Variants in ZNF366 observed in about 807,000 individuals in gnomAD.
ZNF366 encodes zinc finger protein 366.
ZNF366 carries 20 observed loss-of-function variants against 47.2 expected under a neutral mutation model. That is an observed-to-expected ratio of 0.42 (90% CI 0.30 to 0.62). ZNF366 has a LOEUF of 0.62. ZNF366 is among the 20% of genes least tolerant of loss of function. ZNF366 has a pLI of 0.16. For missense variants in ZNF366, 987 were observed against 976.3 expected, an observed-to-expected ratio of 1.01 and a Z score of -0.15; for synonymous variants, 421 against 395.1, an observed-to-expected ratio of 1.07 and a Z score of -0.78.
intron 1 of ZNF366, among the ~76,000 whole-genome samples, chr5:72,485,941 G>A (rs971498775): frequency 6.6e-5 from 10 of 152,064 alleles, no homozygotes; most frequent in African/African-American, 2.2e-4. Context: ...AGATACCCAC[G>A]TGCCTCTTTT....
chr5:72,503,950 A>G (rs1026354174), intron 1 of ZNF366, among the ~76,000 whole-genome samples: 57 of 152,344 alleles, frequency 3.7e-4, no homozygotes, highest in African/African-American at 1.2e-3. Context: ...AAGTAAAAGT[A>G]TCATTATTAC....
intron 1 of ZNF366, among the ~76,000 whole-genome samples, chr5:72,490,847 A>G (rs1387718175): frequency 6.6e-6 from 1 of 152,216 alleles, no homozygotes; most frequent in Middle Eastern, 3.2e-3. Flanking sequence ...TGAGCATGAT[A>G]GTTGCTGTAA....
Position 72,503,566 on chromosome 5 carries a change from G to A in ZNF366, c.-15+3685C>T, listed in dbSNP as rs910787591. ...ACACACACACACACACGCACACCTC[G>A]AAAATTACTTATTTATCCCATTTTG... On this transcript the variant is annotated intron_variant, in intron 1 of 4. Coordinates refer to ENST00000318442, the MANE Select transcript of ZNF366 (RefSeq NM_152625.3). Among the ~76,000 whole-genome samples the A allele has an allele frequency of 3.3e-5, 5 of 150,946 alleles. 1 individual carries two copies. The highest frequency in any genetic ancestry group is 6.9e-3 in the Middle Eastern group (2 of 288).
chr5:72,469,798 C>G (rs891228171), intron 1 of ZNF366, among the ~76,000 whole-genome samples: 1 of 152,174 alleles, frequency 6.6e-6, no homozygotes, highest in Admixed American at 6.5e-5. Flanking sequence ...GTAATCCCAG[C>G]AACTAGGGAG....
At position 72,480,027 on chromosome 5, in the gene ZNF366, G is replaced by C. The variant is rs150210831; in HGVS notation, c.-14-18517C>G. Among the ~76,000 whole-genome samples the C allele has an allele frequency of 7.9e-5, 12 of 152,350 alleles. No individual in the cohort carries two copies. The East Asian group carries it at 2.3e-3, about 29-fold the overall frequency. On this transcript the variant is annotated intron_variant, in intron 1 of 4. Coordinates refer to ENST00000318442, the MANE Select transcript of ZNF366 (RefSeq NM_152625.3). ...GTTTTGCAGCAATGGCTGGAATGTGGCATACACGGTCCAAGGCTCATCTAA... is the reference window on the plus strand; with the variant it reads ...GTTTTGCAGCAATGGCTGGAATGTGCCATACACGGTCCAAGGCTCATCTAA...
At chr5:72,462,532 TTTCTTTCTTTCTTTC>T (rs1743339699) in intron 1 of ZNF366, among the ~76,000 whole-genome samples, 1 of 80,852 alleles carries the variant, frequency 1.2e-5, no homozygotes, top group Non-Finnish European at 2.2e-5. Context: ...TCTTTCTTTC[TTTCTTTCTTTCTTTC>T]TTTTTTTTTT....
Position 72,443,489 on chromosome 5 carries a change from A to G in ZNF366, c.*267T>C. 2.7e-6 allele frequency: 1 copy of G among 366,510 alleles called. No homozygotes were observed. Among genetic ancestry groups the G allele is most frequent in the East Asian group, 4.7e-5 (1 of 21,128 alleles). 22.7% of individuals were successfully genotyped at this position (366,510 alleles called of 1,614,324 possible). Reference sequence around the variant, plus strand: ...AGCACCTCAGCATCAGCTTACAATTAGATATCTGGAAGAATACTCACAGTT... The same window carrying G: ...AGCACCTCAGCATCAGCTTACAATTGGATATCTGGAAGAATACTCACAGTT... On this transcript the variant is annotated 3_prime_UTR_variant, in exon 5 of 5. Transcript: ENST00000318442.
In ZNF366 at chr5:72,440,814, T is replaced by C. The variant is rs369498843; in HGVS notation, c.*2942A>G. The C allele has an allele frequency of 5.0e-4, 76 of 152,312 alleles. No homozygotes were observed. Among genetic ancestry groups the C allele is most frequent in the African/African-American group, 1.7e-3 (71 of 41,556 alleles). The allele number at this position is 152,312 out of a possible 1,614,324, so 9.4% of individuals were successfully genotyped here. On this transcript the variant is annotated 3_prime_UTR_variant, in exon 5 of 5. Coordinates refer to ENST00000318442, the MANE Select transcript of ZNF366 (RefSeq NM_152625.3). ...AGCATACAAAACCAATGTTTTAGCA[T>C]TGGTGCTCAGGTTAATGCTGTATTA...
rs1428529496 is a variant in ZNF366, at chr5:72,461,501, G to A, written c.-5C>T. 6.5e-7 allele frequency: 1 copy of A among 1,531,256 alleles called. No homozygotes were observed. Among genetic ancestry groups the A allele is most frequent in the East Asian group, 2.3e-5 (1 of 43,946 alleles). 94.9% of individuals were successfully genotyped at this position (1,531,256 alleles called of 1,614,324 possible). A position where few individuals can be genotyped will look rare whatever the true frequency, so the allele number is the denominator to read the frequency against. On this transcript the variant is annotated 5_prime_UTR_variant, in exon 2 of 5. Transcript: ENST00000318442. ...CATCTTCATTTCCTTCTGCATCCTT[G>A]GCAATTTTCCTTTAAAGAGAAAGAA...
chr5:72,463,885 A>C (rs1055773947), intron 1 of ZNF366, among the ~76,000 whole-genome samples: 1 of 152,256 alleles, frequency 6.6e-6, no homozygotes, highest in African/African-American at 2.4e-5. Context: ...ACTTTCAACA[A>C]GACTAAACGT....
chr5:72,464,861 C>A (rs1186541342), intron 1 of ZNF366, among the ~76,000 whole-genome samples: 3 of 151,926 alleles, frequency 2.0e-5, no homozygotes, highest in Admixed American at 2.0e-4. Flanking sequence ...GAGTTTGAGA[C>A]CAGCCTGGCC....
intron 3 of ZNF366, among the ~76,000 whole-genome samples, chr5:72,455,235 C>A (rs1237818859): frequency 6.6e-6 from 1 of 152,118 alleles, no homozygotes; most frequent in African/African-American, 2.4e-5. Flanking sequence ...TGGTGTCTGA[C>A]CCCTCACCCC....
intron 1 of ZNF366, among the ~76,000 whole-genome samples, chr5:72,495,639 T>C (rs1193419650): frequency 2.0e-5 from 3 of 152,184 alleles, no homozygotes; most frequent in Non-Finnish European, 1.5e-5. Context: ...TTTGGTGACA[T>C]GCTGGCAGGG....
At chr5:72,455,287 G>A (rs1352126505) in intron 3 of ZNF366, among the ~76,000 whole-genome samples, 1 of 152,102 alleles carries the variant, frequency 6.6e-6, no homozygotes, top group African/African-American at 2.4e-5. Flanking sequence ...AGCTTCACAG[G>A]GGATTCCTTC....
At chr5:72,458,684 C>T (rs2112326036) in intron 2 of ZNF366, among the ~76,000 whole-genome samples, 1 of 152,288 alleles carries the variant, frequency 6.6e-6, no homozygotes, top group Admixed American at 6.5e-5. Context: ...TCAGTGTCTT[C>T]AACTGCAGAT....
chr5:72,464,042 C>T (rs1743385412), intron 1 of ZNF366, among the ~76,000 whole-genome samples: 1 of 152,156 alleles, frequency 6.6e-6, no homozygotes, highest in Non-Finnish European at 1.5e-5. Flanking sequence ...CTACAAGTAC[C>T]TATGGCAAAC....
At chr5:72,491,215 G>A (rs1038520748) in intron 1 of ZNF366, among the ~76,000 whole-genome samples, 3 of 152,218 alleles carry the variant, frequency 2.0e-5, no homozygotes, top group Admixed American at 2.0e-4. Flanking sequence ...CCCCACAAAA[G>A]GGGTGTACGT....
At chr5:72,484,495 A>AAAAAAAAAAAAAAAAAAATAATAAT (rs1313925109) in intron 1 of ZNF366, among the ~76,000 whole-genome samples, 1 of 145,824 alleles carries the variant, frequency 6.9e-6, no homozygotes, top group African/African-American at 2.6e-5. Context: ...AAAAAAAAAA[A>AAAAAAAAAAAAAAAAAAATAATAAT]AATAATAATA....
intron 1 of ZNF366, chr5:72,493,539 A>G (rs1277693142): frequency 6.6e-6 from 1 of 152,196 alleles, no homozygotes; most frequent in Non-Finnish European, 1.5e-5. Context: ...CAATTGAAGA[A>G]TAAAAATGTT....
Sources: allele counts gnomAD v4.1 joint callset (sites outside exome capture counted in the v4.1 genomes callset), GRCh38; gene constraint gnomAD v4.1.1; transcripts MANE v1.5; gene names NCBI Gene and HGNC (gene_info 2026-07-23, HGNC 2026-07-21).